The following PACRG variants were observed in gnomAD, a reference collection of about 807,000 sequenced individuals.
The protein encoded by PACRG is parkin coregulated gene protein.
A neutral mutation model predicts 29.7 loss-of-function variants in PACRG; 29 were observed. That is an observed-to-expected ratio of 0.98 (90% CI 0.73 to 1.33). The LOEUF (loss-of-function observed/expected upper bound fraction) is 1.33. Ranked by LOEUF, PACRG falls within the 40% of genes most tolerant of loss-of-function variation. PACRG has a pLI of 0.00. For missense variants in PACRG, 279 were observed against 316.2 expected (o/e 0.88, Z 0.89); for synonymous variants, 116 against 118.7 (o/e 0.98, Z 0.15).
At chr6:163,233,949 T>C (rs1782139249) in intron 4 of PACRG, among the ~76,000 whole-genome samples, 1 of 152,176 alleles carries the variant, frequency 6.6e-6, no homozygotes, top group Non-Finnish European at 1.5e-5. Flanking sequence ...TAATAAGACA[T>C]TTTGTCTTGG....
intron 2 of PACRG, among the ~76,000 whole-genome samples, chr6:162,875,255 A>T (rs778204277): frequency 6.6e-6 from 1 of 151,872 alleles, no homozygotes; most frequent in Non-Finnish European, 1.5e-5. Flanking sequence ...TCACACACAG[A>T]CATGCACACA....
At chr6:162,820,906 C>T (rs1053392514) in intron 2 of PACRG, among the ~76,000 whole-genome samples, 7 of 151,978 alleles carry the variant, frequency 4.6e-5, no homozygotes, top group Non-Finnish European at 1.0e-4. Flanking sequence ...AGATCTGCCA[C>T]GTTCCCACAA....
intron 2 of PACRG, among the ~76,000 whole-genome samples, chr6:163,025,000 A>T (rs77891085): frequency 0.17 from 25,142 of 152,104 alleles, 2,311 homozygotes; most frequent in East Asian, 0.26. Flanking sequence ...GGTTATCTCA[A>T]TAGATGCAGA....
chr6:162,751,481 T>A (rs973111472), intron 1 of PACRG, among the ~76,000 whole-genome samples: 6 of 138,092 alleles, frequency 4.3e-5, no homozygotes, highest in African/African-American at 2.1e-4. Context: ...TCTGAAATCT[T>A]TTTTTTTTGT....
intron 4 of PACRG, among the ~76,000 whole-genome samples, chr6:163,268,404 A>AAAAAAAAAAAAAAAAAG (rs1415137065): frequency 1.4e-5 from 2 of 148,072 alleles, no homozygotes; most frequent in Non-Finnish European, 1.5e-5. Flanking sequence ...TGTCTCAAAG[A>AAAAAAAAAAAAAAAAAG]AAAAAAAAAA....
intron 2 of PACRG, among the ~76,000 whole-genome samples, chr6:162,959,919 A>G (rs552230932): frequency 4.8e-4 from 73 of 152,344 alleles, no homozygotes; most frequent in Admixed American, 1.5e-3. Context: ...AGCATAAAAC[A>G]AATAACCCCA....
At chr6:163,123,165 T>C (rs1250256798) in intron 4 of PACRG, among the ~76,000 whole-genome samples, 1 of 152,224 alleles carries the variant, frequency 6.6e-6, no homozygotes. Flanking sequence ...TCTGATTTGC[T>C]TAGGGCCCAG....
rs546483319 is a variant in PACRG at position 163,122,250 on chromosome 6, A to G, written c.613+32842A>G. Among the ~76,000 whole-genome samples, 296 of 115,450 alleles carry G rather than the reference A, an allele frequency of 2.6e-3. 1 individual carries two copies. Among genetic ancestry groups the G allele is most frequent in the African/African-American group, 0.01 (274 of 26,276 alleles). The allele number at this position is 115,450 out of a possible 152,430, so 75.7% of individuals were successfully genotyped here. Reference sequence around the variant, plus strand: ...TGACTTGATAGATTTCTGAGTTCTCATGTGTTTGTCCATCTTCATTCTGCT... The same window carrying G: ...TGACTTGATAGATTTCTGAGTTCTCGTGTGTTTGTCCATCTTCATTCTGCT... On this transcript the variant is annotated intron_variant, in intron 4 of 4. Coordinates refer to ENST00000366888, the MANE Select transcript of PACRG (RefSeq NM_001080379.2).
chr6:162,935,392 C>CT (rs79058842), intron 2 of PACRG, among the ~76,000 whole-genome samples: 2,143 of 124,006 alleles, frequency 0.017, 22 homozygotes, highest in African/African-American at 0.025. Context: ...CTGTTTTATT[C>CT]TTTTTTTTTT....
At chr6:163,068,006 T>C (rs1347786514) in intron 3 of PACRG, among the ~76,000 whole-genome samples, 1 of 152,240 alleles carries the variant, frequency 6.6e-6, no homozygotes, top group Admixed American at 6.5e-5. Flanking sequence ...CCCAGATTTA[T>C]CTGACTTCAT....
intron 3 of PACRG, among the ~76,000 whole-genome samples, chr6:163,067,771 C>T (rs566972920): frequency 6.6e-6 from 1 of 152,176 alleles, no homozygotes; most frequent in African/African-American, 2.4e-5. Context: ...TAACTCCCCT[C>T]CACAAACATA....
chr6:162,754,024 A>G (rs1194660502), intron 1 of PACRG, among the ~76,000 whole-genome samples: 2 of 152,102 alleles, frequency 1.3e-5, no homozygotes, highest in Non-Finnish European at 2.9e-5. Flanking sequence ...ACTGGGTCAT[A>G]TGGTAGTTCT....
intron 1 of PACRG, among the ~76,000 whole-genome samples, chr6:162,752,753 A>G (rs1321820511): frequency 1.3e-5 from 2 of 152,242 alleles, no homozygotes; most frequent in Non-Finnish European, 2.9e-5. Flanking sequence ...AGTACCAGAC[A>G]CTAAACAAAT....
intron 4 of PACRG, among the ~76,000 whole-genome samples, chr6:163,150,009 T>G (rs1263643588): frequency 6.6e-6 from 1 of 152,220 alleles, no homozygotes; most frequent in Non-Finnish European, 1.5e-5. Flanking sequence ...ACTGTCTAGC[T>G]GTGCGTTAGT....
At chr6:163,002,389 A>G (rs1457542191) in intron 2 of PACRG, among the ~76,000 whole-genome samples, 1 of 152,166 alleles carries the variant, frequency 6.6e-6, no homozygotes, top group Non-Finnish European at 1.5e-5. Context: ...CTTCCACTTG[A>G]CCTTCAAAAT....
intron 1 of PACRG, among the ~76,000 whole-genome samples, chr6:162,737,189 C>G (rs960086623): frequency 2.0e-5 from 3 of 152,122 alleles, no homozygotes; most frequent in African/African-American, 7.2e-5. Flanking sequence ...TTTGACTTCC[C>G]GGACCTTGCC....
chr6:162,947,237 GATAT>G (rs141591475), intron 2 of PACRG, among the ~76,000 whole-genome samples: 2,154 of 144,380 alleles, frequency 0.015, 57 homozygotes, highest in African/African-American at 0.051. Flanking sequence ...ATATAATATA[GATAT>G]ATAAACATAT....
At chr6:162,858,289 G>A (rs1791571770) in intron 2 of PACRG, among the ~76,000 whole-genome samples, 1 of 152,098 alleles carries the variant, frequency 6.6e-6, no homozygotes, top group African/African-American at 2.4e-5. Flanking sequence ...CAGCAGGAGA[G>A]AGATAGAGAA....
chr6:163,036,974 C>T (rs1466082032), intron 2 of PACRG, among the ~76,000 whole-genome samples: 1 of 151,926 alleles, frequency 6.6e-6, no homozygotes, highest in Non-Finnish European at 1.5e-5. Flanking sequence ...AGATATAAAG[C>T]AGAAATAAAG....
Sources: allele counts gnomAD v4.1 joint callset (sites outside exome capture counted in the v4.1 genomes callset), GRCh38; gene constraint gnomAD v4.1.1; transcripts MANE v1.5; gene names NCBI Gene and HGNC (gene_info 2026-07-23, HGNC 2026-07-21).